MAGI2: variants seen among roughly 807,000 people sequenced by gnomAD.
MAGI2 encodes membrane associated guanylate kinase, WW and PDZ domain containing 2.
In MAGI2, 35 loss-of-function variants were observed where a neutral mutation model predicts 133.3. That is an observed-to-expected ratio of 0.26 (90% CI 0.20 to 0.35). The LOEUF (loss-of-function observed/expected upper bound fraction) is 0.35, where lower values mean the gene tolerates loss of function less well. Among genes scored for constraint, MAGI2 ranks in the 10% least tolerant of loss-of-function variants. The pLI, the probability that MAGI2 is intolerant of heterozygous loss-of-function variation, is 1.00. For synonymous variants in MAGI2, 729 were observed against 710.6 expected (o/e 1.03, Z -0.41); for missense variants, 1,636 against 1,863.4 (o/e 0.88, Z 2.25).
At chr7:78,264,346 C>T (rs899669725) in intron 9 of MAGI2, among the ~76,000 whole-genome samples, 3 of 152,042 alleles carry the variant, frequency 2.0e-5, no homozygotes, top group African/African-American at 7.2e-5. Context: ...TCAAGCAGCC[C>T]AGGATGTATT....
At chr7:78,157,809 G>A (rs984714539) in intron 16 of MAGI2, among the ~76,000 whole-genome samples, 14 of 152,128 alleles carry the variant, frequency 9.2e-5, no homozygotes, top group African/African-American at 1.7e-4. Context: ...TGAATCCATC[G>A]TACTGACAGA....
chr7:78,717,172 T>C (rs1819794969), intron 2 of MAGI2, among the ~76,000 whole-genome samples: 1 of 152,040 alleles, frequency 6.6e-6, no homozygotes, highest in South Asian at 2.1e-4. Flanking sequence ...GTGCTCCCCC[T>C]CCGCAGGTCT....
At chr7:78,623,903 A>T (rs1326911767) in intron 3 of MAGI2, among the ~76,000 whole-genome samples, 5 of 152,120 alleles carry the variant, frequency 3.3e-5, no homozygotes, top group Non-Finnish European at 5.9e-5. Flanking sequence ...TCATAGTGCA[A>T]TGCATCACTC....
intron 11 of MAGI2, among the ~76,000 whole-genome samples, chr7:78,200,114 G>A (rs1454387991): frequency 6.6e-6 from 1 of 152,160 alleles, no homozygotes; most frequent in Non-Finnish European, 1.5e-5. Context: ...AAATAGGACT[G>A]GTTTTCCCAT....
chr7:78,311,917 C>T (rs530225376), intron 9 of MAGI2, among the ~76,000 whole-genome samples: 10 of 151,960 alleles, frequency 6.6e-5, no homozygotes, highest in East Asian at 3.9e-4. Flanking sequence ...ATTACAGGTG[C>T]GCGCCACCAC....
At chr7:78,458,062 C>CT (rs1468199894) in intron 6 of MAGI2, among the ~76,000 whole-genome samples, 3 of 151,686 alleles carry the variant, frequency 2.0e-5, no homozygotes, top group Non-Finnish European at 2.9e-5. Flanking sequence ...CTTTGGGAGG[C>CT]TAAGGCGGGC....
intron 3 of MAGI2, among the ~76,000 whole-genome samples, chr7:78,555,366 C>T (rs1467742256): frequency 6.6e-6 from 1 of 151,706 alleles, no homozygotes; most frequent in African/African-American, 2.4e-5. Context: ...TACAAACAGG[C>T]CCAAGTACAT....
chr7:78,168,172 T>TC, intron 14 of MAGI2, 64 bp from the exon 15 acceptor site: 1 of 1,327,870 alleles, frequency 7.5e-7, no homozygotes, highest in Non-Finnish European at 1.0e-6. Flanking sequence ...TTTTTTTTTT[T>TC]CGAAACAGAG....
intron 2 of MAGI2, among the ~76,000 whole-genome samples, chr7:78,636,595 G>C (rs1383237928): frequency 6.6e-6 from 1 of 152,022 alleles, no homozygotes; most frequent in Admixed American, 6.6e-5. Context: ...TCAGGAGATA[G>C]AGACCATCCT....
intron 2 of MAGI2, among the ~76,000 whole-genome samples, chr7:78,762,191 C>T (rs896544764): frequency 2.2e-5 from 2 of 90,494 alleles, no homozygotes; most frequent in East Asian, 7.0e-4. Context: ...CACCTGTAAT[C>T]CCAGCACTTT....
At chr7:78,163,145 T>C (rs1310034559) in intron 15 of MAGI2, among the ~76,000 whole-genome samples, 1 of 152,128 alleles carries the variant, frequency 6.6e-6, no homozygotes, top group Non-Finnish European at 1.5e-5. Flanking sequence ...TTTGTTTGTT[T>C]GTTTTGTTTT....
At chr7:79,223,648 T>C (rs1830627839) in intron 1 of MAGI2, among the ~76,000 whole-genome samples, 2 of 151,976 alleles carry the variant, frequency 1.3e-5, no homozygotes, top group Admixed American at 1.3e-4. Context: ...AGCAACATAG[T>C]GAGACCCTGT....
intron 2 of MAGI2, among the ~76,000 whole-genome samples, chr7:78,653,074 A>G (rs11520937): frequency 0.051 from 7,814 of 152,266 alleles, 300 homozygotes; most frequent in East Asian, 0.16. Flanking sequence ...GCGAATCAAA[A>G]CCACAATGAG....
intron 9 of MAGI2, among the ~76,000 whole-genome samples, chr7:78,287,465 CAATG>C (rs1184717273): frequency 6.6e-6 from 1 of 152,112 alleles, no homozygotes; most frequent in Non-Finnish European, 1.5e-5. Context: ...ATCATGTAGA[CAATG>C]AAGGAGGTGG....
At chr7:78,363,612 C>A (rs1176713318) in intron 7 of MAGI2, among the ~76,000 whole-genome samples, 1 of 151,782 alleles carries the variant, frequency 6.6e-6, no homozygotes, top group Non-Finnish European at 1.5e-5. Flanking sequence ...ATCAAAGTTT[C>A]TCTTAGAATT....
At chr7:78,201,129 A>C in intron 11 of MAGI2, 33 bp downstream of exon 11, 1 of 1,415,924 alleles carries the variant, frequency 7.1e-7, no homozygotes, top group East Asian at 2.6e-5. Flanking sequence ...AGTAAGTAGA[A>C]ATAAAGAAAG....
intron 2 of MAGI2, among the ~76,000 whole-genome samples, chr7:78,723,636 G>A (rs1417585160): frequency 6.6e-6 from 1 of 152,022 alleles, no homozygotes; most frequent in Non-Finnish European, 1.5e-5. Context: ...TGTAGAGTGA[G>A]GAAATAACCA....
intron 7 of MAGI2, among the ~76,000 whole-genome samples, chr7:78,364,963 C>T (rs73701318): frequency 5.6e-4 from 86 of 152,292 alleles, no homozygotes; most frequent in African/African-American, 2.0e-3. Context: ...GTTCTTTCTG[C>T]TGCTACATAG....
chr7:78,979,772 GAA>G (rs1473527536), intron 2 of MAGI2, among the ~76,000 whole-genome samples: 2 of 151,918 alleles, frequency 1.3e-5, no homozygotes, highest in South Asian at 4.2e-4. Context: ...CCAAAGGGTT[GAA>G]TAGGTGGTAA....
Sources: allele counts gnomAD v4.1 joint callset (sites outside exome capture counted in the v4.1 genomes callset), GRCh38; gene constraint gnomAD v4.1.1; transcripts MANE v1.5; gene names NCBI Gene and HGNC (gene_info 2026-07-23, HGNC 2026-07-21).